KCNIP1: variants seen among roughly 807,000 people sequenced by gnomAD.
KCNIP1 encodes the protein potassium voltage-gated channel interacting protein 1, also known as A-type potassium channel modulatory protein KCNIP1.
In KCNIP1, 18 loss-of-function variants were observed where a neutral mutation model predicts 33.0. The observed-to-expected ratio is 0.55, with a 90% CI of 0.38 to 0.81. KCNIP1 has a LOEUF of 0.81. Among genes scored for constraint, KCNIP1 ranks in the 30% least tolerant of loss-of-function variants. The pLI, the probability that KCNIP1 is intolerant of heterozygous loss-of-function variation, is 0.00. For missense variants in KCNIP1, 238 were observed against 271.6 expected (o/e 0.88, Z 0.87); for synonymous variants, 93 against 98.3 (o/e 0.95, Z 0.32).
At chr5:170,648,864 G>A (rs775941507) in intron 1 of KCNIP1, among the ~76,000 whole-genome samples, 6 of 152,162 alleles carry the variant, frequency 3.9e-5, no homozygotes, top group Non-Finnish European at 7.3e-5. Context: ...GGAGTAGGGA[G>A]TATATGGGAA....
At chr5:170,690,236 C>T (rs1470410496) in intron 1 of KCNIP1, among the ~76,000 whole-genome samples, 3 of 152,162 alleles carry the variant, frequency 2.0e-5, no homozygotes, top group Non-Finnish European at 2.9e-5. Context: ...ACAAAGGTTT[C>T]CAACTTCAAC....
In KCNIP1 at chr5:170,575,918, G is replaced by T. The variant is rs1581347700; in HGVS notation, c.61+71285G>T. ...AACCCAGGCACTGAAGAGTTAGATT[G>T]TATGGACCTCTTTTAATCATCTGCT... is the stretch of plus-strand genomic sequence containing the variant. On this transcript the variant is annotated intron_variant, in intron 1 of 7. Transcript: ENST00000328939. 4.6e-5 allele frequency among the ~76,000 whole-genome samples: 7 copies of T among 152,302 alleles called. No individual in the cohort carries two copies. In the South Asian group the frequency reaches 1.5e-3, roughly 32 times the overall value.
At chr5:170,646,016 TTAAAG>T (rs1246711833) in intron 1 of KCNIP1, among the ~76,000 whole-genome samples, 1 of 152,168 alleles carries the variant, frequency 6.6e-6, no homozygotes, top group Non-Finnish European at 1.5e-5. Flanking sequence ...AACCAATTCT[TTAAAG>T]TAAATAATCT....
rs1272840171 is a variant in KCNIP1, at chr5:170,606,287, G to A, written c.61+101654G>A. 4.6e-5 allele frequency among the ~76,000 whole-genome samples: 7 copies of A among 152,256 alleles called. No individual in the cohort carries two copies. In the South Asian group the frequency reaches 8.3e-4, roughly 18 times the overall value. On this transcript the variant is annotated intron_variant, in intron 1 of 7. Transcript: ENST00000328939. ...AGGAGTGGAATCGTTGGCTCATATGGTAACTCTGTGTTTAACTTATTGAGA... is the reference window on the plus strand; with the variant it reads ...AGGAGTGGAATCGTTGGCTCATATGATAACTCTGTGTTTAACTTATTGAGA...
At chr5:170,544,778 T>C (rs978538610) in intron 1 of KCNIP1, among the ~76,000 whole-genome samples, 7 of 152,168 alleles carry the variant, frequency 4.6e-5, no homozygotes. Context: ...TATTTTTAAG[T>C]TAAGACTTTT....
chr5:170,373,556 A>C (rs1201101498), intron 1 of KCNIP1, among the ~76,000 whole-genome samples: 1 of 152,268 alleles, frequency 6.6e-6, no homozygotes, highest in African/African-American at 2.4e-5. Context: ...CTTATTTTAA[A>C]ATAATAATAC....
chr5:170,428,702 G>T (rs1046829896), intron 1 of KCNIP1, among the ~76,000 whole-genome samples: 1 of 152,094 alleles, frequency 6.6e-6, no homozygotes, highest in South Asian at 2.1e-4. Context: ...AGGAAGAAAG[G>T]TGTGTGTCAC....
chr5:170,652,737 C>T (rs1761097636), intron 1 of KCNIP1, among the ~76,000 whole-genome samples: 1 of 152,184 alleles, frequency 6.6e-6, no homozygotes, highest in Non-Finnish European at 1.5e-5. Flanking sequence ...GAGGGACTAA[C>T]ATTTACTTAC....
In KCNIP1 at chr5:170,570,675, G is replaced by T. The variant is rs181076494; in HGVS notation, c.61+66042G>T. 6.6e-5 allele frequency among the ~76,000 whole-genome samples: 10 copies of T among 152,330 alleles called. No individual in the cohort carries two copies. In the East Asian group the frequency reaches 1.2e-3, roughly 18 times the overall value. On this transcript the variant is annotated intron_variant, in intron 1 of 7. Coordinates refer to ENST00000328939, the MANE Select transcript of KCNIP1 (RefSeq NM_014592.4). ...AAGTGGTAATTATGACTGTGGCCCC[G>T]TGCCAGGCGGCGGGTCAGCATTGGA...
At chr5:170,683,889 AGTGTATGTGTGTGT>A (rs1463296638) in intron 1 of KCNIP1, among the ~76,000 whole-genome samples, 84 of 124,692 alleles carry the variant, frequency 6.7e-4, no homozygotes, top group African/African-American at 9.6e-4. Flanking sequence ...ATGCCCAGCT[AGTGTATGTGTGTGT>A]GTGTGTGTGT....
At chr5:170,436,844 C>T (rs1462802771) in intron 1 of KCNIP1, among the ~76,000 whole-genome samples, 2 of 152,150 alleles carry the variant, frequency 1.3e-5, no homozygotes, top group African/African-American at 4.8e-5. Context: ...CCCATAACAG[C>T]CCCATAAGTT....
chr5:170,406,225 T>C (rs967473125), intron 1 of KCNIP1, among the ~76,000 whole-genome samples: 5 of 152,004 alleles, frequency 3.3e-5, no homozygotes, highest in East Asian at 1.9e-4. Context: ...GGGAGAGAGA[T>C]TGGGGGTACG....
chr5:170,414,815 C>G (rs1483584134), intron 1 of KCNIP1, among the ~76,000 whole-genome samples: 1 of 152,168 alleles, frequency 6.6e-6, no homozygotes, highest in African/African-American at 2.4e-5. Context: ...AAATTCAATG[C>G]GTATTCTTTG....
chr5:170,564,403 A>G (rs1191679717), intron 1 of KCNIP1, among the ~76,000 whole-genome samples: 1 of 152,152 alleles, frequency 6.6e-6, no homozygotes, highest in Non-Finnish European at 1.5e-5. Context: ...CATCTTTCCT[A>G]TGACACGTCT....
At chr5:170,385,742 C>A (rs1303149178) in intron 1 of KCNIP1, among the ~76,000 whole-genome samples, 1 of 151,614 alleles carries the variant, frequency 6.6e-6, no homozygotes, top group East Asian at 1.9e-4. Context: ...TCAGTAATGG[C>A]CCCCCAAGAT....
At chr5:170,712,827 G>T in intron 1 of KCNIP1, 1 of 1,612,136 alleles carries the variant, frequency 6.2e-7, no homozygotes, top group Non-Finnish European at 8.5e-7. Flanking sequence ...AATCGATTTG[G>T]TAAAATGTTT....
At chr5:170,386,323 G>C (rs753559062) in intron 1 of KCNIP1, among the ~76,000 whole-genome samples, 1 of 152,198 alleles carries the variant, frequency 6.6e-6, no homozygotes, top group Admixed American at 6.5e-5. Flanking sequence ...CAAGGAGTGC[G>C]TCAGAAGCTG....
At chr5:170,721,686 T>A in intron 3 of KCNIP1, 147 bp from the exon 4 acceptor site, 1 of 1,558,074 alleles carries the variant, frequency 6.4e-7, no homozygotes, top group Non-Finnish European at 8.8e-7. Context: ...AAGAGTTGAG[T>A]CAATGGGCCC....
intron 1 of KCNIP1, among the ~76,000 whole-genome samples, chr5:170,598,541 GA>G (rs1230987566): frequency 1.3e-5 from 2 of 152,124 alleles, no homozygotes; most frequent in Non-Finnish European, 2.9e-5. Flanking sequence ...CAAACCCCCA[GA>G]AAAAAGCAAG....
Sources: allele counts gnomAD v4.1 joint callset (sites outside exome capture counted in the v4.1 genomes callset), GRCh38; gene constraint gnomAD v4.1.1; transcripts MANE v1.5; gene names NCBI Gene and HGNC (gene_info 2026-07-23, HGNC 2026-07-21).